The following ADAM19 variants were observed in gnomAD, a reference collection of about 807,000 sequenced individuals.
ADAM19 encodes the protein disintegrin and metalloproteinase domain-containing protein 19.
In ADAM19, 65 loss-of-function variants were observed where a neutral mutation model predicts 114.7. The ratio of observed to expected loss-of-function variants is 0.57; its 90% confidence interval spans 0.46 to 0.70. ADAM19 has a LOEUF of 0.70. Ranked by LOEUF, ADAM19 falls within the 30% of genes least tolerant of loss-of-function variation. ADAM19 has a pLI of 0.00. For missense variants in ADAM19, 1,063 were observed against 1,204.7 expected (o/e 0.88, Z 1.74); for synonymous variants, 466 against 460.5 (o/e 1.01, Z -0.15).
In ADAM19 at chr5:157,493,067, C is replaced by A; in HGVS notation, c.1814G>T (p.Cys605Phe). The A allele has an allele frequency of 6.2e-7, 1 of 1,614,216 alleles. No homozygotes were observed. The highest frequency in any genetic ancestry group is 8.5e-7 in the Non-Finnish European group (1 of 1,180,038). Residue 605 changes from cysteine to phenylalanine, a missense_variant, in exon 16 of 23, where the codon TGC (cysteine) becomes TTC (phenylalanine). By Grantham distance (205) the Cys-to-Phe change is radical (BLOSUM62 -2). Coordinates refer to ENST00000257527, the MANE Select transcript of ADAM19 (RefSeq NM_033274.5). ...TIIMNGRQIQ[C>F]RGTHVYRGPE... ...ACCTCGGTAGACGTGGGTGCCCCGG[C>A]ACTGGATCTGCCTCCCATTCATGAT...
intron 4 of ADAM19, among the ~76,000 whole-genome samples, chr5:157,532,228 C>T (rs1756645415): frequency 6.6e-6 from 1 of 152,204 alleles, no homozygotes; most frequent in South Asian, 2.1e-4. Flanking sequence ...CAGGGGCCAG[C>T]CCCTGGAGAC....
intron 22 of ADAM19, 61 bp downstream of exon 22, chr5:157,481,730 A>C (rs1754755240): frequency 6.4e-7 from 1 of 1,552,076 alleles, no homozygotes; most frequent in Non-Finnish European, 8.7e-7. Flanking sequence ...TCAACTCTAC[A>C]CCTGCCCCCC....
At chr5:157,514,222 G>A (rs1188740206) in intron 7 of ADAM19, among the ~76,000 whole-genome samples, 1 of 152,128 alleles carries the variant, frequency 6.6e-6, no homozygotes, top group African/African-American at 2.4e-5. Flanking sequence ...ATAAGACACT[G>A]GCAAATAGGC....
At chr5:157,545,981 C>T (rs1474621503) in intron 3 of ADAM19, among the ~76,000 whole-genome samples, 1 of 152,238 alleles carries the variant, frequency 6.6e-6, no homozygotes, top group Non-Finnish European at 1.5e-5. Context: ...GCCTTGCAGG[C>T]CCTGCACCTG....
In ADAM19 at chr5:157,478,825, G is replaced by C; in HGVS notation, c.*2124C>G. On this transcript the variant is annotated 3_prime_UTR_variant, in exon 23 of 23. Coordinates refer to ENST00000257527, the MANE Select transcript of ADAM19 (RefSeq NM_033274.5). ...CAGGTCTCTTTCTGGTGTGGTTCCA[G>C]GGAGGGTGGACTGCAGGTTCAGATG... 1 of 985,910 alleles carries C rather than the reference G, an allele frequency of 1.0e-6. No individual in the cohort carries two copies. The highest frequency in any genetic ancestry group is 1.7e-5 in the African/African-American group (1 of 57,364). 61.1% of individuals were successfully genotyped at this position (985,910 alleles called of 1,614,324 possible).
chr5:157,486,249 C>T (rs1463492269), intron 21 of ADAM19, among the ~76,000 whole-genome samples: 1 of 152,176 alleles, frequency 6.6e-6, no homozygotes, highest in African/African-American at 2.4e-5. Context: ...TGGCAACCTC[C>T]AAGAGAAATG....
intron 3 of ADAM19, among the ~76,000 whole-genome samples, chr5:157,559,227 C>T (rs1757443612): frequency 6.6e-6 from 1 of 152,224 alleles, no homozygotes; most frequent in African/African-American, 2.4e-5. Context: ...CTTTAGCTAA[C>T]TGGGCTGGAG....
intron 3 of ADAM19, among the ~76,000 whole-genome samples, chr5:157,563,768 A>C (rs563301710): frequency 1.2e-4 from 18 of 152,292 alleles, no homozygotes; most frequent in Middle Eastern, 3.4e-3. Flanking sequence ...ATGAATCCAG[A>C]TATGACTGCA....
At chr5:157,530,205 A>G (rs1756585638) in intron 5 of ADAM19, among the ~76,000 whole-genome samples, 1 of 143,944 alleles carries the variant, frequency 6.9e-6, no homozygotes, top group Non-Finnish European at 1.5e-5. Context: ...TCCAGAGTCC[A>G]TACCCTAGCC....
chr5:157,506,695 T>G (rs1287306374), intron 10 of ADAM19, among the ~76,000 whole-genome samples: 3 of 152,344 alleles, frequency 2.0e-5, no homozygotes, highest in Non-Finnish European at 4.4e-5. Context: ...AGACAGGTTC[T>G]TGTTTCTTAA....
chr5:157,512,601 C>A (rs1349238820), intron 8 of ADAM19, among the ~76,000 whole-genome samples: 9 of 152,190 alleles, frequency 5.9e-5, no homozygotes, highest in Admixed American at 5.2e-4. Context: ...TAACAAATAT[C>A]TTCTTTCATA....
rs751517681 is a variant in ADAM19, at chr5:157,530,830, C to T, written c.384G>A (p.Thr128=). 14 of 1,614,054 alleles carry T rather than the reference C, an allele frequency of 8.7e-6. No individual in the cohort carries two copies. The highest frequency in any genetic ancestry group is 2.2e-5 in the East Asian group (1 of 44,896). The change falls in exon 5 of 23, where the codon ACG becomes ACA. Residue 128 remains threonine (T), a synonymous_variant. Coordinates refer to ENST00000257527, the MANE Select transcript of ADAM19 (RefSeq NM_033274.5). Reference sequence around the variant, plus strand: ...ACCTAATTCCTCGGCAAGTGCTGAGCGTGACGCTGGACAGTTCTGTCTCCC... The same window carrying T: ...ACCTAATTCCTCGGCAAGTGCTGAGTGTGACGCTGGACAGTTCTGTCTCCC... ...TVRETELSSV[T]LSTCRGIRGL... is the part of the protein sequence containing the mutation.
chr5:157,535,491 C>T (rs11746606), intron 4 of ADAM19, among the ~76,000 whole-genome samples: 11,539 of 152,250 alleles, frequency 0.076, 569 homozygotes, highest in Middle Eastern at 0.16. Context: ...ACTGAGAACC[C>T]CATGGGCCTG....
intron 7 of ADAM19, among the ~76,000 whole-genome samples, chr5:157,516,277 G>A (rs6899205): frequency 0.35 from 52,724 of 151,924 alleles, 10,025 homozygotes; most frequent in African/African-American, 0.49. Context: ...AAATGAGCAC[G>A]TTCCCTTATC....
intron 21 of ADAM19, among the ~76,000 whole-genome samples, chr5:157,483,071 G>A (rs749876916): frequency 2.6e-5 from 4 of 152,122 alleles, no homozygotes; most frequent in Non-Finnish European, 5.9e-5. Flanking sequence ...GTGGTGGGGG[G>A]CTAGGGGAGG....
chr5:157,505,546 A>AT (rs1306263405), intron 11 of ADAM19, 123 bp downstream of exon 11: 5 of 1,140,416 alleles, frequency 4.4e-6, no homozygotes, highest in Non-Finnish European at 4.8e-6. Flanking sequence ...TAAAAACTAC[A>AT]TTTTTTGGCC....
chr5:157,512,404 C>T (rs979347051), intron 8 of ADAM19, among the ~76,000 whole-genome samples: 1 of 152,146 alleles, frequency 6.6e-6, no homozygotes, highest in African/African-American at 2.4e-5. Context: ...TTCATGAATC[C>T]CTAGCAGGCC....
chr5:157,553,600 G>C (rs1278889428), intron 3 of ADAM19, among the ~76,000 whole-genome samples: 2 of 152,188 alleles, frequency 1.3e-5, no homozygotes, highest in Non-Finnish European at 2.9e-5. Context: ...CGTTTTAATT[G>C]TGTACTCCAT....
chr5:157,540,638 C>T (rs1350185097), intron 3 of ADAM19, among the ~76,000 whole-genome samples: 1 of 152,168 alleles, frequency 6.6e-6, no homozygotes, highest in African/African-American at 2.4e-5. Flanking sequence ...ACCTAGCAAG[C>T]AGGCAGTACA....
Sources: allele counts gnomAD v4.1 joint callset (sites outside exome capture counted in the v4.1 genomes callset), GRCh38; gene constraint gnomAD v4.1.1; transcripts MANE v1.5; gene names NCBI Gene and HGNC (gene_info 2026-07-23, HGNC 2026-07-21).